Variants in CDK19 observed in about 807,000 individuals in gnomAD.
The protein encoded by CDK19 is cyclin dependent kinase 19.
CDK19 carries 20 observed loss-of-function variants against 68.3 expected under a neutral mutation model. The observed-to-expected ratio is 0.29, with a 90% CI of 0.21 to 0.43. The LOEUF (loss-of-function observed/expected upper bound fraction) is 0.43, where lower values mean the gene tolerates loss of function less well. Among genes scored for constraint, CDK19 ranks in the 20% least tolerant of loss-of-function variants. The pLI, the probability that CDK19 is intolerant of heterozygous loss-of-function variation, is 1.00. For synonymous variants in CDK19, 221 were observed against 222.8 expected, an observed-to-expected ratio of 0.99 and a Z score of 0.07; for missense variants, 339 against 623.5, an observed-to-expected ratio of 0.54 and a Z score of 4.86.
At chr6:110,707,902 G>A (rs1774642568) in intron 2 of CDK19, among the ~76,000 whole-genome samples, 1 of 152,124 alleles carries the variant, frequency 6.6e-6, no homozygotes, top group Admixed American at 6.6e-5. Context: ...AACCCGGGAG[G>A]CAGAGGCTGC....
chr6:110,724,859 C>A (rs1368276187), intron 2 of CDK19, among the ~76,000 whole-genome samples: 2 of 151,822 alleles, frequency 1.3e-5, no homozygotes, highest in South Asian at 2.1e-4. Context: ...TATATAAACA[C>A]CTAGGTGGAA....
chr6:110,735,281 T>C (rs1777161257), intron 2 of CDK19, among the ~76,000 whole-genome samples: 1 of 152,000 alleles, frequency 6.6e-6, no homozygotes, highest in South Asian at 2.1e-4. Flanking sequence ...AATAAGAATA[T>C]GCCTGAACAC....
Position 110,667,448 on chromosome 6 carries a change from G to A in CDK19, c.442C>T (p.Leu148Phe). ...AAAATACTTACCAAGTCTCTGTGAA[G>A]CACCCAATTTGCATGGAGGTAATGG... ...GIHYLHANWV[L>F]HRDLKPANIL... The change falls in exon 4 of 13, where the codon CTT becomes TTT. Residue 148 changes from leucine to phenylalanine, a missense_variant. Leu to Phe is a conservative substitution (Grantham distance 22, BLOSUM62 0). Transcript: ENST00000368911. 6.3e-7 allele frequency: 1 copy of A among 1,577,170 alleles called. No individual in the cohort carries two copies. Among genetic ancestry groups the A allele is most frequent in the Non-Finnish European group, 8.6e-7 (1 of 1,162,288 alleles).
At chr6:110,794,909 A>G (rs534770522) in intron 1 of CDK19, among the ~76,000 whole-genome samples, 7 of 152,202 alleles carry the variant, frequency 4.6e-5, no homozygotes, top group Non-Finnish European at 4.4e-5. Context: ...TTAACATAAA[A>G]GTAGAAAAAT....
intron 1 of CDK19, among the ~76,000 whole-genome samples, chr6:110,787,863 G>A (rs1292114): frequency 0.16 from 23,768 of 151,768 alleles, 2,072 homozygotes; most frequent in East Asian, 0.32. Context: ...GTTTTGAGAC[G>A]TAGTCTCGCT....
chr6:110,799,167 A>AAAG (rs1238751271), intron 1 of CDK19, among the ~76,000 whole-genome samples: 1 of 148,178 alleles, frequency 6.7e-6, no homozygotes, highest in East Asian at 1.9e-4. Flanking sequence ...AAAAAAAAAA[A>AAAG]AAATTCCTCA....
chr6:110,764,062 A>G (rs1473098144), intron 1 of CDK19, among the ~76,000 whole-genome samples: 1 of 152,202 alleles, frequency 6.6e-6, no homozygotes, highest in Admixed American at 6.5e-5. Flanking sequence ...AAATATATAT[A>G]AGGAAAACTT....
intron 6 of CDK19, among the ~76,000 whole-genome samples, chr6:110,627,758 A>C (rs893917736): frequency 2.0e-5 from 3 of 152,192 alleles, no homozygotes; most frequent in African/African-American, 7.2e-5. Flanking sequence ...AAAGTACTCA[A>C]TTGATAATCT....
At chr6:110,690,330 A>G (rs1478810907) in intron 2 of CDK19, among the ~76,000 whole-genome samples, 2 of 150,584 alleles carry the variant, frequency 1.3e-5, no homozygotes, top group Non-Finnish European at 3.0e-5. Context: ...ATAAATAGCC[A>G]GACTACTGGG....
In CDK19 at chr6:110,772,455, G is replaced by A. The variant is rs142258417; in HGVS notation, c.129-26254C>T. Among the ~76,000 whole-genome samples, 1,491 of 151,962 alleles carry A rather than the reference G, an allele frequency of 9.8e-3. 14 individuals are homozygous for A. The highest frequency in any genetic ancestry group is 0.016 in the Non-Finnish European group (1,105 of 67,974). The stretch of plus-strand genomic sequence containing the variant: ...ATGGGAGTACAATTCAAGACGAGGA[G>A]ATATGGGTGGGGACACAGAGCCAAA... On this transcript the variant is annotated intron_variant, in intron 1 of 12. Coordinates refer to ENST00000368911, the MANE Select transcript of CDK19 (RefSeq NM_015076.5).
intron 4 of CDK19, among the ~76,000 whole-genome samples, chr6:110,641,776 A>G (rs1309325906): frequency 6.6e-6 from 1 of 152,152 alleles, no homozygotes; most frequent in Admixed American, 6.5e-5. Context: ...GAACATCAGA[A>G]TAGTCTTTAG....
At chr6:110,739,627 T>C (rs1020099654) in intron 2 of CDK19, among the ~76,000 whole-genome samples, 9 of 151,738 alleles carry the variant, frequency 5.9e-5, no homozygotes, top group Non-Finnish European at 1.5e-5. Context: ...TTGTATTTTA[T>C]ATATATACAT....
At chr6:110,771,025 T>C (rs919458061) in intron 1 of CDK19, among the ~76,000 whole-genome samples, 3 of 152,166 alleles carry the variant, frequency 2.0e-5, no homozygotes, top group Non-Finnish European at 2.9e-5. Context: ...ATAGCCCCCC[T>C]CCTGGCTACT....
chr6:110,683,271 C>A (rs995436711), intron 2 of CDK19, among the ~76,000 whole-genome samples: 4 of 151,538 alleles, frequency 2.6e-5, no homozygotes, highest in Admixed American at 6.6e-5. Flanking sequence ...TTAACCACCA[C>A]TATTTGCAAG....
intron 2 of CDK19, among the ~76,000 whole-genome samples, chr6:110,713,349 G>A (rs768157320): frequency 1.3e-4 from 19 of 150,552 alleles, no homozygotes; most frequent in Admixed American, 3.3e-4. Context: ...GGACAATGGC[G>A]TGGACCCGGG....
chr6:110,795,394 T>C (rs570300265), intron 1 of CDK19, among the ~76,000 whole-genome samples: 1 of 152,272 alleles, frequency 6.6e-6, no homozygotes, highest in Non-Finnish European at 1.5e-5. Context: ...CTAAGAGAGA[T>C]GTAAATTGTA....
intron 1 of CDK19, among the ~76,000 whole-genome samples, chr6:110,787,176 C>G (rs1781280813): frequency 6.6e-6 from 1 of 152,126 alleles, no homozygotes; most frequent in Non-Finnish European, 1.5e-5. Flanking sequence ...AGTTCGAGAC[C>G]AGCCTTGGCC....
Position 110,626,814 on chromosome 6 carries a change from TG to T in CDK19, c.821del (p.Pro274GlnfsTer21), listed in dbSNP as rs1401699825. 1 of 1,583,668 alleles carries T rather than the reference TG, an allele frequency of 6.3e-7. No individual in the cohort carries two copies. The highest frequency in any genetic ancestry group is 8.6e-7 in the Non-Finnish European group (1 of 1,160,164). On this transcript the variant is annotated frameshift_variant, in exon 8 of 13. Transcript: ENST00000368911. LOFTEE classifies it high-confidence loss of function. ...DKDWEDIRKM[P>X]EYPTLQKDFR... ...AGTCTTTTTGAAGTGTGGGATATTC[TG>T]GCATCTTTCTAATATCTTCCCAGTC...
At chr6:110,778,648 C>T (rs999160950) in intron 1 of CDK19, among the ~76,000 whole-genome samples, 2 of 152,206 alleles carry the variant, frequency 1.3e-5, no homozygotes, top group Non-Finnish European at 2.9e-5. Flanking sequence ...TGTGGCAACA[C>T]TACTGGCTGC....
Sources: allele counts gnomAD v4.1 joint callset (sites outside exome capture counted in the v4.1 genomes callset), GRCh38; gene constraint gnomAD v4.1.1; transcripts MANE v1.5; gene names NCBI Gene and HGNC (gene_info 2026-07-23, HGNC 2026-07-21).